Variants in AKAP6 observed in about 807,000 individuals in gnomAD.
AKAP6 encodes the protein A-kinase anchoring protein 6, also known as A-kinase anchor protein 6.
AKAP6 carries 58 observed loss-of-function variants against 188.5 expected under a neutral mutation model. The observed-to-expected ratio is 0.31, with a 90% CI of 0.25 to 0.38. The LOEUF (loss-of-function observed/expected upper bound fraction) is 0.38. Among genes scored for constraint, AKAP6 ranks in the 10% least tolerant of loss-of-function variants. The pLI is 1.00. For synonymous variants in AKAP6, 989 were observed against 998.6 expected (o/e 0.99, Z 0.18); for missense variants, 2,710 against 2,740.0 (o/e 0.99, Z 0.24).
At chr14:32,476,345 A>G (rs1056873139) in intron 2 of AKAP6, among the ~76,000 whole-genome samples, 2 of 152,158 alleles carry the variant, frequency 1.3e-5, no homozygotes, top group Non-Finnish European at 2.9e-5. Context: ...TTCCTTACTG[A>G]GTTGAGAGGC....
intron 2 of AKAP6, among the ~76,000 whole-genome samples, chr14:32,494,821 G>A (rs182391737): frequency 8.5e-4 from 130 of 152,180 alleles, no homozygotes; most frequent in Non-Finnish European, 4.0e-4. Flanking sequence ...GCTCTCTGTG[G>A]GTTTTTAAAG....
At position 32,526,212 on chromosome 14, in the gene AKAP6, A is replaced by G. The variant is rs1222521763; in HGVS notation, c.325-9342A>G. ...CCCAAGTAGCTGGGACTACAGGTGT[A>G]TGCCACCAGGTCTGGATAATTTTTT... On this transcript the variant is annotated intron_variant, in intron 2 of 13. Coordinates refer to ENST00000280979, the MANE Select transcript of AKAP6 (RefSeq NM_004274.5). Among the ~76,000 whole-genome samples, 4 of 151,646 alleles carry G rather than the reference A, an allele frequency of 2.6e-5. No homozygotes were observed. In the East Asian group the frequency reaches 5.9e-4, roughly 22 times the overall value.
At chr14:32,756,659 C>A (rs1290160608) in intron 11 of AKAP6, among the ~76,000 whole-genome samples, 1 of 152,146 alleles carries the variant, frequency 6.6e-6, no homozygotes, top group Non-Finnish European at 1.5e-5. Context: ...TGGAGGCTAT[C>A]TCTGCAGGAG....
chr14:32,570,192 G>A (rs8009776), intron 4 of AKAP6, among the ~76,000 whole-genome samples: 2,345 of 144,708 alleles, frequency 0.016, 64 homozygotes, highest in African/African-American at 0.057. Context: ...GTGCAGTGGA[G>A]CAATCTCGGC....
chr14:32,517,620 A>G (rs1168949427), intron 2 of AKAP6, among the ~76,000 whole-genome samples: 1 of 152,210 alleles, frequency 6.6e-6, no homozygotes, highest in Non-Finnish European at 1.5e-5. Flanking sequence ...ATGAGAGCGA[A>G]CTGCAAGGCA....
intron 1 of AKAP6, among the ~76,000 whole-genome samples, chr14:32,336,815 A>G (rs548621882): frequency 1.1e-4 from 16 of 152,190 alleles, no homozygotes; most frequent in Non-Finnish European, 2.2e-4. Flanking sequence ...CTCGTCTCTT[A>G]TCAGTGTTAC....
chr14:32,544,267 GATCAGTCTGTTAT>G (rs1406628407), intron 3 of AKAP6, among the ~76,000 whole-genome samples: 1 of 152,176 alleles, frequency 6.6e-6, no homozygotes, highest in Non-Finnish European at 1.5e-5. Flanking sequence ...GGCTAGGTTA[GATCAGTCTGTTAT>G]TTAGCCAGTA....
chr14:32,468,598 A>G (rs1238722641), intron 2 of AKAP6, among the ~76,000 whole-genome samples: 2 of 152,156 alleles, frequency 1.3e-5, no homozygotes, highest in African/African-American at 4.8e-5. Flanking sequence ...GAGCCTGGCA[A>G]TTTACACATC....
intron 6 of AKAP6, among the ~76,000 whole-genome samples, chr14:32,600,257 A>G (rs1956216): frequency 6.6e-6 from 1 of 151,904 alleles, no homozygotes; most frequent in Admixed American, 6.6e-5. Context: ...TCCATAGACA[A>G]TTTTTATCAT....
At chr14:32,396,513 C>T (rs548356003) in intron 1 of AKAP6, among the ~76,000 whole-genome samples, 1 of 152,264 alleles carries the variant, frequency 6.6e-6, no homozygotes, top group Admixed American at 6.5e-5. Flanking sequence ...ATTGATCAAT[C>T]CCATCCTTCC....
At chr14:32,450,540 T>C (rs1337539291) in intron 2 of AKAP6, among the ~76,000 whole-genome samples, 2 of 152,170 alleles carry the variant, frequency 1.3e-5, no homozygotes, top group Non-Finnish European at 2.9e-5. Flanking sequence ...AGTTTGACTC[T>C]CCATTGTACT....
chr14:32,588,982 C>G (rs1479243840), intron 5 of AKAP6, among the ~76,000 whole-genome samples: 2 of 152,214 alleles, frequency 1.3e-5, no homozygotes, highest in African/African-American at 4.8e-5. Context: ...CTTCCTGTCT[C>G]TACCTCTGCT....
chr14:32,724,068 T>C (rs1346056037), intron 9 of AKAP6, among the ~76,000 whole-genome samples: 1 of 29,382 alleles, frequency 3.4e-5, no homozygotes, highest in Non-Finnish European at 6.6e-5. Flanking sequence ...CTTTTTTTCT[T>C]CTTCTTCTTC....
intron 7 of AKAP6, among the ~76,000 whole-genome samples, chr14:32,622,758 G>A (rs1886867847): frequency 6.6e-6 from 1 of 152,066 alleles, no homozygotes; most frequent in African/African-American, 2.4e-5. Flanking sequence ...GCCACGAGCT[G>A]GGCTACAGTG....
intron 1 of AKAP6, among the ~76,000 whole-genome samples, chr14:32,359,371 G>C (rs1951687): frequency 0.064 from 9,658 of 152,058 alleles, 406 homozygotes; most frequent in Non-Finnish European, 0.082. Context: ...CAGAAAAAAG[G>C]AAAGTCATAC....
intron 7 of AKAP6, among the ~76,000 whole-genome samples, chr14:32,612,020 T>C (rs918742118): frequency 6.6e-6 from 1 of 152,074 alleles, no homozygotes; most frequent in African/African-American, 2.4e-5. Flanking sequence ...ATTATTTGAA[T>C]AGAGGGAGGG....
At chr14:32,754,234 C>T (rs544438549) in intron 11 of AKAP6, among the ~76,000 whole-genome samples, 15 of 151,944 alleles carry the variant, frequency 9.9e-5, no homozygotes, top group East Asian at 7.7e-4. Context: ...GATGAATTTA[C>T]GCCTTTATCA....
chr14:32,335,506 C>T (rs1410443183), intron 1 of AKAP6, among the ~76,000 whole-genome samples: 1 of 152,084 alleles, frequency 6.6e-6, no homozygotes, highest in Non-Finnish European at 1.5e-5. Context: ...GTCAAAACAA[C>T]CCAGAGCAAG....
intron 10 of AKAP6, 53 bp from the exon 11 acceptor site, chr14:32,735,605 G>GT: frequency 1.6e-6 from 2 of 1,257,412 alleles, no homozygotes; most frequent in Non-Finnish European, 2.2e-6. Flanking sequence ...TTGTTCGTGG[G>GT]GTTTTTTTTT....
Sources: gnomAD v4.1 joint callset for allele counts (sites outside exome capture counted in the v4.1 genomes callset) on GRCh38, gnomAD v4.1.1 for gene constraint, MANE v1.5 for transcripts, NCBI Gene and HGNC (gene_info 2026-07-23, HGNC 2026-07-21) for gene names.